Variants in ATAD3C observed in about 807,000 individuals in gnomAD.
ATAD3C encodes the protein ATPase family AAA domain containing 3C, also known as ATPase family AAA domain-containing protein 3C.
A neutral mutation model predicts 46.3 loss-of-function variants in ATAD3C; 38 were observed. That is an observed-to-expected ratio of 0.82 (90% CI 0.63 to 1.08). The LOEUF (loss-of-function observed/expected upper bound fraction) is 1.08, where lower values mean the gene tolerates loss of function less well. Among genes scored for constraint, ATAD3C ranks in the 50% least tolerant of loss-of-function variants. The pLI, the probability that ATAD3C is intolerant of heterozygous loss-of-function variation, is 0.00. For synonymous variants in ATAD3C, 220 were observed against 236.4 expected, an observed-to-expected ratio of 0.93 and a Z score of 0.63; for missense variants, 563 against 572.7, an observed-to-expected ratio of 0.98 and a Z score of 0.17.
rs1382197026 is a variant in ATAD3C at position 1,462,836 on chromosome 1, A to G, written c.1089+128A>G. On this transcript the variant is annotated intron_variant, in intron 11 of 11. Coordinates refer to ENST00000378785, the MANE Select transcript of ATAD3C (RefSeq NM_001039211.3). The surrounding 1 kb of genome is among the most constrained non-coding windows in gnomAD (Gnocchi z 4.5). The stretch of plus-strand genomic sequence containing the variant: ...CTGTTGAGGGGTTTTCAGTGCACAG[A>G]TGTGACACGGGGCCCCTGCCCCAGT... 5 of 1,218,028 alleles carry G rather than the reference A, an allele frequency of 4.1e-6. No homozygotes were observed. Among genetic ancestry groups the G allele is most frequent in the Non-Finnish European group, 5.7e-6 (5 of 880,052 alleles). 75.5% of individuals were successfully genotyped at this position (1,218,028 alleles called of 1,614,324 possible).
At position 1,455,798 on chromosome 1, in the gene ATAD3C, T is replaced by G. The variant is rs764463841; in HGVS notation, c.446T>G (p.Leu149Arg). 6.2e-7 allele frequency: 1 copy of G among 1,613,304 alleles called. No homozygotes were observed. Among genetic ancestry groups the G allele is most frequent in the South Asian group, 1.1e-5 (1 of 91,018 alleles). ...CCCTGTCTTCCTCGGCAGCCCAGCC[T>G]GGAAGCACGGGTGCGCGACATCGCC... Reference protein sequence around the residue: ...VLEGVVLSPSLEARVRDIAIM... With the variant: ...VLEGVVLSPSREARVRDIAIM... The change falls in exon 6 of 12, where the codon CTG (leucine) becomes CGG (arginine). Residue 149 changes from leucine to arginine, a missense_variant. Leu to Arg is a moderately radical substitution (Grantham distance 102, BLOSUM62 -2). This residue lies in a region of ATAD3C where 263 missense variants were observed against 243.1 expected (regional missense o/e 1.08). Coordinates refer to ENST00000378785, the MANE Select transcript of ATAD3C (RefSeq NM_001039211.3).
chr1:1,464,830 G>T (rs1372223293), intron 11 of ATAD3C, among the ~76,000 whole-genome samples: 1 of 151,994 alleles, frequency 6.6e-6, no homozygotes, highest in Non-Finnish European at 1.5e-5. Context: ...GGTTTTCACA[G>T]GGATTGCATT....
rs143729593 is a variant in ATAD3C at position 1,453,497 on chromosome 1, C to T, written c.223-848C>T. Among the ~76,000 whole-genome samples the T allele has an allele frequency of 3.5e-3, 526 of 152,022 alleles. 1 individual carries two copies. Among genetic ancestry groups the T allele is most frequent in the African/African-American group, 0.011 (475 of 41,496 alleles). The stretch of plus-strand genomic sequence containing the variant: ...GATTACAGGTGTGTACCACCATGCC[C>T]GGCCAATTTTTGTATTTATAGTAGG... On this transcript the variant is annotated intron_variant, in intron 3 of 11. Coordinates refer to ENST00000378785, the MANE Select transcript of ATAD3C (RefSeq NM_001039211.3).
intron 6 of ATAD3C, 62 bp downstream of exon 6, chr1:1,455,978 G>T: frequency 1.9e-6 from 3 of 1,605,182 alleles, no homozygotes; most frequent in Non-Finnish European, 2.5e-6. Flanking sequence ...GCCTGCAGGT[G>T]TCTGGGGGGC....
chr1:1,457,121 G>T lies in ATAD3C; in HGVS notation c.690-8G>T, dbSNP rs535552350. ...TCTCACCCAGCTTGGCCTCCCTCTC[G>T]TCCACAGCCTCCTGCTCTTTGTGGA... is the stretch of plus-strand genomic sequence containing the variant. On this transcript the variant is annotated splice_polypyrimidine_tract_variant and splice_region_variant and intron_variant, in intron 7 of 11. Coordinates refer to ENST00000378785, the MANE Select transcript of ATAD3C (RefSeq NM_001039211.3). 1.2e-6 allele frequency: 2 copies of T among 1,613,222 alleles called. No homozygotes were observed. Among genetic ancestry groups the T allele is most frequent in the East Asian group, 2.2e-5 (1 of 44,880 alleles).
At chr1:1,461,492 T>C (rs920461473) in intron 10 of ATAD3C, among the ~76,000 whole-genome samples, 7 of 148,738 alleles carry the variant, frequency 4.7e-5, no homozygotes, top group Non-Finnish European at 8.8e-5. Context: ...CCGGCCTCTT[T>C]TACGTTCCTC....
rs1332115295 is a variant in ATAD3C at position 1,459,689 on chromosome 1, C to T, written c.812+458C>T. Among the ~76,000 whole-genome samples the T allele has an allele frequency of 2.0e-5, 3 of 151,862 alleles. No homozygotes were observed. The highest frequency in any genetic ancestry group is 6.6e-5 in the Admixed American group (1 of 15,226). ...GAACCTGGGACCTTGGTCCCCCGCC[C>T]GGATGCTGGCCAAGGGTGCACCCTC... On this transcript the variant is annotated intron_variant, in intron 9 of 11. Transcript: ENST00000378785. The surrounding 1 kb of genome is among the most constrained non-coding windows in gnomAD (Gnocchi z 4.9).
At chr1:1,457,274 C>T in intron 8 of ATAD3C, 94 bp downstream of exon 8, 1 of 1,581,446 alleles carries the variant, frequency 6.3e-7, no homozygotes, top group Non-Finnish European at 8.7e-7. Context: ...TGCTCAATTT[C>T]TTTTTCTCTA....
intron 3 of ATAD3C, among the ~76,000 whole-genome samples, chr1:1,453,044 T>G (rs943645034): frequency 3.3e-5 from 5 of 151,904 alleles, no homozygotes; most frequent in Non-Finnish European, 7.4e-5. Flanking sequence ...CGGCACTGAG[T>G]GGGCACTTGC....
In ATAD3C at chr1:1,462,528, T is replaced by C. The variant is rs1342920819; in HGVS notation, c.981-72T>C. On this transcript the variant is annotated intron_variant, in intron 10 of 11. Transcript: ENST00000378785. The surrounding 1 kb of genome is among the most constrained non-coding windows in gnomAD (Gnocchi z 4.5). ...TGGCATGGGTGTCCGCCTGGCTGCC[T>C]GTCTTCCGGCCTCCACCTCGTGGTG... 6.9e-7 allele frequency: 1 copy of C among 1,439,622 alleles called. No individual in the cohort carries two copies. Among genetic ancestry groups the C allele is most frequent in the African/African-American group, 1.4e-5 (1 of 71,048 alleles). The allele number at this position is 1,439,622 out of a possible 1,614,324, so 89.2% of individuals were successfully genotyped here.
intron 10 of ATAD3C, 147 bp downstream of exon 10, chr1:1,461,064 GC>G (rs918128780): frequency 9.2e-7 from 1 of 1,090,534 alleles, no homozygotes; most frequent in Non-Finnish European, 1.2e-6. Context: ...AGCCCTGTGG[GC>G]CCCAAGGGTC....
Position 1,456,285 on chromosome 1 carries a change from A to G in ATAD3C, c.625A>G (p.Met209Val), listed in dbSNP as rs749505622. Residue 209 changes from methionine to valine, a missense_variant, in exon 7 of 12, where the codon ATG (methionine) becomes GTG (valine). Transcript: ENST00000378785. ...AIMTGGDVAP[M>V]GREGVTAMHK... The stretch of plus-strand genomic sequence containing the variant: ...CATGACAGGCGGGGACGTGGCCCCC[A>G]TGGGGCGGGAAGGCGTGACCGCCAT... 55 of 1,474,290 alleles carry G rather than the reference A, an allele frequency of 3.7e-5. 5 individuals carry two copies. The highest frequency in any genetic ancestry group is 1.8e-4 in the Middle Eastern group (1 of 5,472). 91.3% of individuals were successfully genotyped at this position (1,474,290 alleles called of 1,614,324 possible).
intron 4 of ATAD3C, among the ~76,000 whole-genome samples, chr1:1,454,728 A>T (rs1638923695): frequency 6.6e-6 from 1 of 151,520 alleles, no homozygotes; most frequent in Non-Finnish European, 1.5e-5. Flanking sequence ...AGGGCTCTTG[A>T]TGGGGCCTGG....
Position 1,455,814 on chromosome 1 carries a change from C to G in ATAD3C, c.462C>G (p.Arg154=), listed in dbSNP as rs756395476. Residue 154 remains arginine, a synonymous_variant, in exon 6 of 12, where the codon CGC becomes CGG. Coordinates refer to ENST00000378785, the MANE Select transcript of ATAD3C (RefSeq NM_001039211.3). ...VLSPSLEARV[R]DIAIMTRNIK... ...AGCCCAGCCTGGAAGCACGGGTGCG[C>G]GACATCGCCATAATGACAAGGAACA... is the stretch of plus-strand genomic sequence containing the variant. The G allele has an allele frequency of 4.3e-6, 7 of 1,613,420 alleles. No individual in the cohort carries two copies. The highest frequency in any genetic ancestry group is 5.9e-6 in the Non-Finnish European group (7 of 1,179,694).
At chr1:1,466,000 TAA>T (rs776438484) in intron 11 of ATAD3C, among the ~76,000 whole-genome samples, 2 of 151,888 alleles carry the variant, frequency 1.3e-5, no homozygotes, top group African/African-American at 2.4e-5. Context: ...GTTTTTATCA[TAA>T]AAGTGTGAGG....
At chr1:1,463,897 G>A (rs1639106990) in intron 11 of ATAD3C, among the ~76,000 whole-genome samples, 1 of 151,566 alleles carries the variant, frequency 6.6e-6, no homozygotes, top group Admixed American at 6.6e-5. Context: ...GGGTTACAGA[G>A]TGAGACCCTG....
rs1035294025 is a variant in ATAD3C at position 1,454,173 on chromosome 1, A to C, written c.223-172A>C. Among the ~76,000 whole-genome samples, 5 of 152,006 alleles carry C rather than the reference A, an allele frequency of 3.3e-5. No homozygotes were observed. The East Asian group carries it at 9.6e-4, about 29-fold the overall frequency. On this transcript the variant is annotated intron_variant, in intron 3 of 11. Coordinates refer to ENST00000378785, the MANE Select transcript of ATAD3C (RefSeq NM_001039211.3). ...TGTGACTGCCCCACCTGCCTCCTGT[A>C]ACCGCGTGGCTGTGGGATTCGGGGC...
chr1:1,462,791 C>G lies in ATAD3C; in HGVS notation c.1089+83C>G, dbSNP rs550261268. The G allele has an allele frequency of 9.6e-6, 14 of 1,454,430 alleles. No homozygotes were observed. The highest frequency in any genetic ancestry group is 1.2e-5 in the Non-Finnish European group (13 of 1,066,946). The allele number at this position is 1,454,430 out of a possible 1,614,324, so 90.1% of individuals were successfully genotyped here. A position where few individuals can be genotyped will look rare whatever the true frequency, so the allele number is the denominator to read the frequency against. The stretch of plus-strand genomic sequence containing the variant: ...TGGTTGCGCCAGGCCTGTCCCAGCA[C>G]CGGTGTCACGTGGGAGCTTCTGTTG... On this transcript the variant is annotated intron_variant, in intron 11 of 11. Coordinates refer to ENST00000378785, the MANE Select transcript of ATAD3C (RefSeq NM_001039211.3). This position sits in a 1 kb window ranked among gnomAD's most constrained non-coding sequence, Gnocchi z 4.5.
chr1:1,456,109 G>A, intron 6 of ATAD3C, 116 bp from the exon 7 acceptor site: 4 of 1,430,966 alleles, frequency 2.8e-6, no homozygotes, highest in Non-Finnish European at 3.7e-6. Flanking sequence ...TGTCTGGCAG[G>A]CTGTGGCTTC....
Sources: gnomAD v4.1 joint callset for allele counts (sites outside exome capture counted in the v4.1 genomes callset) on GRCh38, gnomAD v4.1.1 for gene constraint, gnomAD v4.1.1 regional missense constraint, Gnocchi (gnomAD v3.1) non-coding constraint, MANE v1.5 for transcripts, NCBI Gene and HGNC (gene_info 2026-07-23, HGNC 2026-07-21) for gene names.